The following STK39 variants were observed in gnomAD, a reference collection of about 807,000 sequenced individuals.
The protein encoded by STK39 is serine/threonine kinase 39, also known as STE20/SPS1-related proline-alanine-rich protein kinase.
STK39 carries 20 observed loss-of-function variants against 77.8 expected under a neutral mutation model. The observed-to-expected ratio is 0.26, with a 90% CI of 0.18 to 0.37. The LOEUF is 0.37. Ranked by LOEUF, STK39 falls within the 10% of genes least tolerant of loss-of-function variation. The probability of loss-of-function intolerance (pLI) is 1.00; values close to 1 mark genes in which losing one functional copy is unlikely to be tolerated. For synonymous variants in STK39, 246 were observed against 234.1 expected, an observed-to-expected ratio of 1.05 and a Z score of -0.47; for missense variants, 479 against 656.5, an observed-to-expected ratio of 0.73 and a Z score of 2.95.
At chr2:168,045,408 T>C (rs1014094308) in intron 14 of STK39, among the ~76,000 whole-genome samples, 4 of 149,184 alleles carry the variant, frequency 2.7e-5, no homozygotes, top group African/African-American at 9.9e-5. Context: ...TCCACCCCAG[T>C]TGACACTGAT....
At chr2:168,208,655 C>A (rs534286660) in intron 1 of STK39, among the ~76,000 whole-genome samples, 2 of 152,334 alleles carry the variant, frequency 1.3e-5, no homozygotes, top group Non-Finnish European at 2.9e-5. Context: ...CTAGGGCTTA[C>A]AAATGTCTCC....
intron 10 of STK39, among the ~76,000 whole-genome samples, chr2:168,125,432 C>T (rs1314812618): frequency 6.6e-6 from 1 of 152,040 alleles, no homozygotes; most frequent in Non-Finnish European, 1.5e-5. Context: ...TTCTCATGCA[C>T]AAAGATAGTG....
chr2:168,080,191 G>A (rs954691334), intron 10 of STK39, among the ~76,000 whole-genome samples: 2 of 152,212 alleles, frequency 1.3e-5, no homozygotes, highest in African/African-American at 4.8e-5. Flanking sequence ...TTGAACTTGA[G>A]AGAGATGATT....
intron 16 of STK39, among the ~76,000 whole-genome samples, chr2:167,988,422 C>G (rs1233354962): frequency 6.6e-6 from 1 of 152,126 alleles, no homozygotes; most frequent in Non-Finnish European, 1.5e-5. Flanking sequence ...ACAACTGGGG[C>G]TAATGCTTCC....
intron 16 of STK39, among the ~76,000 whole-genome samples, chr2:168,009,195 C>A (rs575349746): frequency 6.6e-6 from 1 of 151,966 alleles, no homozygotes; most frequent in South Asian, 2.1e-4. Flanking sequence ...GGGGTAAAGA[C>A]AGGGCTTTCT....
intron 17 of STK39, among the ~76,000 whole-genome samples, chr2:167,959,132 A>G (rs367837779): frequency 7.5e-6 from 1 of 133,946 alleles, no homozygotes; most frequent in East Asian, 2.3e-4. Context: ...ATTTATTTAT[A>G]TTTTTTGAGA....
At chr2:168,152,589 T>G (rs767589709) in intron 5 of STK39, among the ~76,000 whole-genome samples, 1 of 152,074 alleles carries the variant, frequency 6.6e-6, no homozygotes, top group African/African-American at 2.4e-5. Flanking sequence ...CTGAGGAGAT[T>G]TGAGAGTGAA....
At chr2:168,234,763 T>A (rs1273014437) in intron 1 of STK39, among the ~76,000 whole-genome samples, 1 of 152,160 alleles carries the variant, frequency 6.6e-6, no homozygotes, top group African/African-American at 2.4e-5. Flanking sequence ...TAAATATAAG[T>A]AAATAAAAAT....
At chr2:168,080,886 G>A (rs1413302760) in intron 10 of STK39, among the ~76,000 whole-genome samples, 2 of 152,240 alleles carry the variant, frequency 1.3e-5, no homozygotes, top group Non-Finnish European at 2.9e-5. Flanking sequence ...GCTTCAGAGG[G>A]TGCAAACCCC....
chr2:168,164,735 T>C (rs1371130654), intron 3 of STK39, among the ~76,000 whole-genome samples: 1 of 152,208 alleles, frequency 6.6e-6, no homozygotes, highest in African/African-American at 2.4e-5. Context: ...CCTGATATAT[T>C]TGAGGCACTA....
At chr2:168,128,541 A>G (rs563039273) in intron 10 of STK39, among the ~76,000 whole-genome samples, 9 of 152,320 alleles carry the variant, frequency 5.9e-5, no homozygotes, top group Non-Finnish European at 1.0e-4. Flanking sequence ...CCCACCCCAC[A>G]TAATTCTTCT....
At chr2:168,101,300 ACC>A (rs1686818382) in intron 10 of STK39, among the ~76,000 whole-genome samples, 2 of 152,180 alleles carry the variant, frequency 1.3e-5, no homozygotes, top group African/African-American at 4.8e-5. Flanking sequence ...GCACATGTAT[ACC>A]TATGTAACAA....
intron 1 of STK39, among the ~76,000 whole-genome samples, chr2:168,210,554 C>G (rs1231384915): frequency 6.6e-6 from 1 of 152,208 alleles, no homozygotes; most frequent in African/African-American, 2.4e-5. Flanking sequence ...AAGTCTTGCT[C>G]TGTCGTCCAG....
At chr2:167,986,420 T>C (rs1006088826) in intron 16 of STK39, among the ~76,000 whole-genome samples, 1 of 152,168 alleles carries the variant, frequency 6.6e-6, no homozygotes, top group African/African-American at 2.4e-5. Flanking sequence ...ACTTGTAGAT[T>C]ACCAAACTCT....
At chr2:168,191,563 C>A (rs1689341103) in intron 1 of STK39, among the ~76,000 whole-genome samples, 1 of 152,140 alleles carries the variant, frequency 6.6e-6, no homozygotes. Flanking sequence ...ATTCTTAACC[C>A]TATATCCAAC....
intron 3 of STK39, among the ~76,000 whole-genome samples, chr2:168,165,475 C>A (rs1574519143): frequency 6.6e-6 from 1 of 152,096 alleles, no homozygotes; most frequent in South Asian, 2.1e-4. Context: ...AAAGAGAATG[C>A]CTTAAGATCA....
At chr2:168,072,412 C>T (rs1325705533) in intron 12 of STK39, among the ~76,000 whole-genome samples, 1 of 152,098 alleles carries the variant, frequency 6.6e-6, no homozygotes, top group East Asian at 1.9e-4. Flanking sequence ...CCTATCCTGA[C>T]CAACTCATCT....
chr2:168,055,844 A>C (rs1459421763), intron 14 of STK39, among the ~76,000 whole-genome samples: 3 of 152,240 alleles, frequency 2.0e-5, no homozygotes, highest in Non-Finnish European at 4.4e-5. Flanking sequence ...TGTTTGACTC[A>C]AAACAGAAAC....
chr2:168,027,245 T>G (rs968233154), intron 14 of STK39, among the ~76,000 whole-genome samples: 1 of 152,134 alleles, frequency 6.6e-6, no homozygotes, highest in Non-Finnish European at 1.5e-5. Context: ...CCAGCCACCA[T>G]GGGCCATATG....
Sources: allele counts gnomAD v4.1 joint callset (sites outside exome capture counted in the v4.1 genomes callset), GRCh38; gene constraint gnomAD v4.1.1; transcripts MANE v1.5; gene names NCBI Gene and HGNC (gene_info 2026-07-23, HGNC 2026-07-21).